The following MACF1 variants were observed in gnomAD, a reference collection of about 807,000 sequenced individuals.
The protein encoded by MACF1 is microtubule-actin cross-linking factor 1.
MACF1 carries 193 observed loss-of-function variants against 854.8 expected under a neutral mutation model. The observed-to-expected ratio is 0.23, with a 90% confidence interval of 0.20 to 0.25. MACF1 has a LOEUF of 0.25. MACF1 is among the 10% of genes least tolerant of loss of function. MACF1 has a pLI of 1.00. For missense variants in MACF1, 7,722 were observed against 8,929.1 expected (o/e 0.86, Z 5.45); for synonymous variants, 3,185 against 3,226.7 (o/e 0.99, Z 0.44).
chr1:39,214,104 C>T (rs1333742400), intron 1 of MACF1, among the ~76,000 whole-genome samples: 1 of 152,166 alleles, frequency 6.6e-6, no homozygotes, highest in Non-Finnish European at 1.5e-5. Flanking sequence ...CCCTCCCTGC[C>T]TTCAGGAACA....
chr1:39,452,137 C>A lies in MACF1; in HGVS notation c.20419-19C>A. 3 of 1,568,136 alleles carry A rather than the reference C, an allele frequency of 1.9e-6. No homozygotes were observed. On this transcript the variant is annotated intron_variant, in intron 85 of 100. Coordinates refer to ENST00000564288, the MANE Select transcript of MACF1 (RefSeq NM_001394062.1). Reference sequence around the variant, plus strand: ...AAAACATTCCTTGAACAAACAAATTCTCCTATTTTCTTTTCTAGGTTTTCC... The same window carrying A: ...AAAACATTCCTTGAACAAACAAATTATCCTATTTTCTTTTCTAGGTTTTCC...
intron 58 of MACF1, among the ~76,000 whole-genome samples, chr1:39,415,660 C>G (rs72661973): frequency 6.6e-6 from 1 of 151,912 alleles, no homozygotes; most frequent in Non-Finnish European, 1.5e-5. Flanking sequence ...CGCGCCCAGC[C>G]GGCTCTAAGA....
chr1:39,376,057 G>A (rs1447739477), intron 52 of MACF1, among the ~76,000 whole-genome samples: 1 of 152,132 alleles, frequency 6.6e-6, no homozygotes, highest in Non-Finnish European at 1.5e-5. Context: ...TAAATTGCTG[G>A]TAAAGAGCTA....
At chr1:39,177,600 TG>T (rs1399930562) in intron 2 of MACF1, among the ~76,000 whole-genome samples, 1 of 152,038 alleles carries the variant, frequency 6.6e-6, no homozygotes, top group African/African-American at 2.4e-5. Context: ...GGGATGATGG[TG>T]GGGGCAGGCG....
At chr1:39,180,897 T>G (rs1644096726) in intron 2 of MACF1, among the ~76,000 whole-genome samples, 1 of 152,062 alleles carries the variant, frequency 6.6e-6, no homozygotes, top group Non-Finnish European at 1.5e-5. Context: ...AGACACTCTG[T>G]TACTTTTTAA....
At chr1:39,285,524 A>G (rs1645626304) in intron 13 of MACF1, 80 bp from the exon 14 acceptor site, 1 of 1,491,610 alleles carries the variant, frequency 6.7e-7, no homozygotes. Flanking sequence ...TTGGAATTGC[A>G]GTAGACTTCT....
chr1:39,317,385 G>C lies in MACF1; in HGVS notation c.3760G>C (p.Val1254Leu). Reference sequence around the variant, plus strand: ...CCAGCTGCAGGAGCGTTGGCACCGAGTCATTGCCCAGCTCGAGATTCGGTG... The same window carrying C: ...CCAGCTGCAGGAGCGTTGGCACCGACTCATTGCCCAGCTCGAGATTCGGTG... The part of the protein sequence containing the change: ...GSQLQERWHR[V>L]IAQLEIRQSE... Residue 1254 changes from valine (V) to leucine (L), a missense_variant, in exon 29 of 101, where the codon GTC (valine) becomes CTC (leucine). Transcript: ENST00000564288. 5.0e-6 allele frequency: 8 copies of C among 1,612,926 alleles called. No homozygotes were observed. Among genetic ancestry groups the C allele is most frequent in the Non-Finnish European group, 6.8e-6 (8 of 1,179,888 alleles).
chr1:39,310,978 C>A lies in MACF1; in HGVS notation c.3248C>A (p.Ala1083Glu). Reference protein sequence around the residue: ...RTDRDAWQDNALRIAEQEHTQ... With the variant: ...RTDRDAWQDNELRIAEQEHTQ... ...GACAGAGATGCCTGGCAGGACAATG[C>A]ATTAAGGATTGCAGAGCAAGAGGTA... The change falls in exon 26 of 101, where the codon GCA becomes GAA. Residue 1083 changes from alanine (A) to glutamate (E), a missense_variant. Ala to Glu is a moderately radical substitution (Grantham distance 107). Coordinates refer to ENST00000564288, the MANE Select transcript of MACF1 (RefSeq NM_001394062.1). 6.2e-7 allele frequency: 1 copy of A among 1,613,488 alleles called. No homozygotes were observed. The highest frequency in any genetic ancestry group is 8.5e-7 in the Non-Finnish European group (1 of 1,179,798).
At chr1:39,157,115 A>G (rs1381388700) in intron 2 of MACF1, among the ~76,000 whole-genome samples, 1 of 152,010 alleles carries the variant, frequency 6.6e-6, no homozygotes, top group East Asian at 1.9e-4. Context: ...GACTACAGTC[A>G]TGGGACAGCA....
At chr1:39,199,992 G>A (rs1372327688), upstream of MACF1, among the ~76,000 whole-genome samples, 1 of 152,178 alleles carries the variant, frequency 6.6e-6, no homozygotes, top group Non-Finnish European at 1.5e-5. Flanking sequence ...TTACAGCAAA[G>A]TTCCTTGAAG....
intron 70 of MACF1, among the ~76,000 whole-genome samples, chr1:39,436,203 G>C (rs1054061975): frequency 2.0e-5 from 3 of 152,180 alleles, no homozygotes; most frequent in Non-Finnish European, 2.9e-5. Flanking sequence ...AAGAGCCAAA[G>C]AGAAGCATAA....
chr1:39,400,655 GC>G (rs1333724366), intron 58 of MACF1, among the ~76,000 whole-genome samples: 8 of 151,988 alleles, frequency 5.3e-5, no homozygotes, highest in Non-Finnish European at 1.0e-4. Flanking sequence ...TTACAGGCAT[GC>G]ACCACCACAC....
At chr1:39,384,233 C>T (rs1232646680) in intron 56 of MACF1, among the ~76,000 whole-genome samples, 1 of 152,112 alleles carries the variant, frequency 6.6e-6, no homozygotes, top group Non-Finnish European at 1.5e-5. Context: ...ATTAGCCACC[C>T]TATTCCATGC....
intron 2 of MACF1, among the ~76,000 whole-genome samples, chr1:39,149,483 G>A (rs560823262): frequency 2.6e-5 from 4 of 152,064 alleles, no homozygotes; most frequent in South Asian, 2.1e-4. Context: ...AGCCGAGATC[G>A]TGCCACTGCA....
rs779242712 is a variant in MACF1 at position 39,388,055 on chromosome 1, C to G, written c.15213C>G (p.Asn5071Lys). Residue 5071 changes from asparagine (N) to lysine (K), a missense_variant, in exon 58 of 101, where the codon AAC becomes AAG. Around this residue, in one of 15 missense-constraint regions of MACF1, gnomAD observed 2,807 missense variants for 3,235.8 expected, o/e 0.87. Transcript: ENST00000564288. Reference protein sequence around the residue: ...ALEPQVDYLRNFTQGLVEDAP... With the variant: ...ALEPQVDYLRKFTQGLVEDAP... ...AGCCTCAGGTAGACTATCTGAGGAA[C>G]TTTACTCAGGGTCTGGTAGAAGATG... is the stretch of plus-strand genomic sequence containing the variant. 27 of 1,613,966 alleles carry G rather than the reference C, an allele frequency of 1.7e-5. No homozygotes were observed. Among genetic ancestry groups the G allele is most frequent in the Non-Finnish European group, 2.2e-5 (26 of 1,180,030 alleles).
chr1:39,391,904 C>T (rs1441465524), intron 58 of MACF1, among the ~76,000 whole-genome samples: 10 of 152,174 alleles, frequency 6.6e-5, no homozygotes, highest in South Asian at 2.1e-4. Flanking sequence ...GGACACTGAT[C>T]GGCTGGGCTC....
At chr1:39,127,232 A>G (rs923689309) in intron 2 of MACF1, among the ~76,000 whole-genome samples, 8 of 152,198 alleles carry the variant, frequency 5.3e-5, no homozygotes, top group Admixed American at 3.3e-4. Flanking sequence ...CAAAAAGAAA[A>G]TAAAAGCTCT....
intron 53 of MACF1, 148 bp from the exon 54 acceptor site, chr1:39,379,055 T>TA: frequency 1.1e-6 from 1 of 870,948 alleles, no homozygotes. Flanking sequence ...TTTGTGTATA[T>TA]AAATGGGAAC....
chr1:39,109,891 G>A (rs1420213620), intron 2 of MACF1, among the ~76,000 whole-genome samples: 5 of 152,058 alleles, frequency 3.3e-5, no homozygotes, highest in Non-Finnish European at 5.9e-5. Flanking sequence ...GTTAGTTTTA[G>A]TTTCTGAAGT....
Sources: allele counts gnomAD v4.1 joint callset (sites outside exome capture counted in the v4.1 genomes callset), GRCh38; gene constraint gnomAD v4.1.1; regional missense constraint gnomAD v4.1.1; transcripts MANE v1.5; gene names NCBI Gene and HGNC (gene_info 2026-07-23, HGNC 2026-07-21).